Variants in TBL1XR1 observed in about 807,000 individuals in gnomAD.
The protein encoded by TBL1XR1 is F-box-like/WD repeat-containing protein TBL1XR1.
A neutral mutation model predicts 66.9 loss-of-function variants in TBL1XR1; 5 were observed. That is an observed-to-expected ratio of 0.07 (90% confidence interval 0.04 to 0.16). The LOEUF is 0.16. Ranked by LOEUF, TBL1XR1 falls within the 10% of genes least tolerant of loss-of-function variation. The probability of loss-of-function intolerance (pLI) is 1.00; values close to 1 mark genes in which losing one functional copy is unlikely to be tolerated. For synonymous variants in TBL1XR1, 210 were observed against 206.0 expected (o/e 1.02, Z -0.17); for missense variants, 238 against 623.2 (o/e 0.38, Z 6.58).
intron 1 of TBL1XR1, among the ~76,000 whole-genome samples, chr3:177,176,830 A>G (rs1322629153): frequency 6.6e-6 from 1 of 152,048 alleles, no homozygotes; most frequent in African/African-American, 2.4e-5. Context: ...AAATTTAAAA[A>G]TTAGCTGGCT....
Position 177,025,059 on chromosome 3 carries a change from G to GT in TBL1XR1, c.*438dup, listed in dbSNP as rs1712914183. The GT allele has an allele frequency of 6.1e-6, 1 of 162,898 alleles. No homozygotes were observed. Among genetic ancestry groups the GT allele is most frequent in the East Asian group, 1.7e-4 (1 of 5,790 alleles). The allele number at this position is 162,898 out of a possible 1,614,324, so 10.1% of individuals were successfully genotyped here. A position where few individuals can be genotyped will look rare whatever the true frequency, so the allele number is the denominator to read the frequency against. ...GAACAAACTACTGCTGCAAGTTTTT[G>GT]TAAGTCCATTTTCTCTGTACATACA... On this transcript the variant is annotated 3_prime_UTR_variant, in exon 16 of 16. Transcript: ENST00000457928.
At position 177,191,577 on chromosome 3, in the gene TBL1XR1, G is replaced by A. The variant is rs2109009118; in HGVS notation, c.-122+5544C>T. On this transcript the variant is annotated intron_variant, in intron 1 of 15. Transcript: ENST00000457928. ...TTGACTATTAGCAAAGTGAACACTA[G>A]TGCTAAATTAAGTATGGTTAAAAAT... Among the ~76,000 whole-genome samples the A allele has an allele frequency of 2.6e-5, 4 of 152,238 alleles. No homozygotes were observed. In the South Asian group the frequency reaches 8.3e-4, roughly 32 times the overall value.
intron 1 of TBL1XR1, among the ~76,000 whole-genome samples, chr3:177,104,640 G>C (rs903306475): frequency 6.6e-6 from 1 of 152,110 alleles, no homozygotes; most frequent in African/African-American, 2.4e-5. Flanking sequence ...TTACTTAAGC[G>C]ATTAGGGGAA....
chr3:177,178,542 T>C (rs1734427909), intron 1 of TBL1XR1, among the ~76,000 whole-genome samples: 1 of 152,152 alleles, frequency 6.6e-6, no homozygotes, highest in African/African-American at 2.4e-5. Context: ...TAATATTAAG[T>C]TCCTAATAAA....
intron 1 of TBL1XR1, among the ~76,000 whole-genome samples, chr3:177,107,639 T>C (rs1725039456): frequency 2.6e-5 from 4 of 152,196 alleles, no homozygotes; most frequent in African/African-American, 9.6e-5. Flanking sequence ...AGCTGTGTTA[T>C]CTGCCTGACC....
intron 2 of TBL1XR1, among the ~76,000 whole-genome samples, chr3:177,086,058 T>C (rs1560158214): frequency 1.3e-5 from 2 of 151,714 alleles, no homozygotes; most frequent in African/African-American, 4.9e-5. Flanking sequence ...AGTCCCAATA[T>C]CTAATTTTAG....
At chr3:177,185,642 T>G (rs772263963) in intron 1 of TBL1XR1, among the ~76,000 whole-genome samples, 3 of 151,804 alleles carry the variant, frequency 2.0e-5, no homozygotes, top group Non-Finnish European at 4.4e-5. Flanking sequence ...ACCCTTTGTC[T>G]TTTCATTTAA....
At chr3:177,194,530 T>G (rs1430905212) in intron 1 of TBL1XR1, among the ~76,000 whole-genome samples, 1 of 152,208 alleles carries the variant, frequency 6.6e-6, no homozygotes, top group Non-Finnish European at 1.5e-5. Flanking sequence ...AAGTCAGGAA[T>G]TCTTTATAAT....
chr3:177,076,427 G>A (rs564902366), intron 2 of TBL1XR1, among the ~76,000 whole-genome samples: 15 of 152,202 alleles, frequency 9.9e-5, no homozygotes, highest in South Asian at 2.1e-4. Context: ...AAGGTATTAC[G>A]ATCTACCTAA....
At chr3:177,146,845 C>G (rs1422181241) in intron 1 of TBL1XR1, among the ~76,000 whole-genome samples, 1 of 151,966 alleles carries the variant, frequency 6.6e-6, no homozygotes, top group African/African-American at 2.4e-5. Flanking sequence ...CTGTTTCAAG[C>G]GAAAATTAAA....
chr3:177,167,817 G>T (rs1010334629), intron 1 of TBL1XR1, among the ~76,000 whole-genome samples: 7 of 152,072 alleles, frequency 4.6e-5, no homozygotes, highest in Non-Finnish European at 7.4e-5. Context: ...TGTAATCCCA[G>T]CTAGCTACTC....
chr3:177,069,808 GGAAGGAA>G (rs1719709592), intron 2 of TBL1XR1, among the ~76,000 whole-genome samples: 7 of 123,060 alleles, frequency 5.7e-5, no homozygotes, highest in Non-Finnish European at 1.1e-4. Context: ...AAGGAAGGAA[GGAAGGAA>G]GGAAGGAAGG....
chr3:177,068,530 G>A (rs1719456794), intron 2 of TBL1XR1, among the ~76,000 whole-genome samples: 1 of 152,156 alleles, frequency 6.6e-6, no homozygotes, highest in Non-Finnish European at 1.5e-5. Context: ...GGACTAGTGA[G>A]GCAATCCAGC....
At chr3:177,131,896 A>G (rs2108788561) in intron 1 of TBL1XR1, among the ~76,000 whole-genome samples, 1 of 118,830 alleles carries the variant, frequency 8.4e-6, no homozygotes, top group South Asian at 2.7e-4. Flanking sequence ...TTTACATTCT[A>G]GTGGAAGTTT....
intron 2 of TBL1XR1, among the ~76,000 whole-genome samples, chr3:177,069,807 A>AG (rs1433883292): frequency 4.0e-5 from 5 of 126,472 alleles, no homozygotes; most frequent in Middle Eastern, 3.6e-3. Flanking sequence ...GAAGGAAGGA[A>AG]GGAAGGAAGG....
rs756833949 is a variant in TBL1XR1, at chr3:177,096,331, T to TACACACACACACACACACACACACAC, written c.-46+2134_-46+2135insGTGTGTGTGTGTGTGTGTGTGTGTGT. Among the ~76,000 whole-genome samples the TACACACACACACACACACACACACAC allele has an allele frequency of 7.9e-5, 8 of 100,760 alleles. No homozygotes were observed. In the East Asian group the frequency reaches 9.9e-4, roughly 12 times the overall value. 66.1% of individuals were successfully genotyped at this position (100,760 alleles called of 152,430 possible). ...CATCTCTAACACACACTAACATACA[T>TACACACACACACACACACACACACAC]ACATACACACACACACACACACTTA... On this transcript the variant is annotated intron_variant, in intron 2 of 15. Coordinates refer to ENST00000457928, the MANE Select transcript of TBL1XR1 (RefSeq NM_024665.7).
At chr3:177,086,159 A>G (rs1239696301) in intron 2 of TBL1XR1, among the ~76,000 whole-genome samples, 1 of 151,356 alleles carries the variant, frequency 6.6e-6, no homozygotes, top group Non-Finnish European at 1.5e-5. Flanking sequence ...AGCCACATGA[A>G]AAAGTTAAAA....
intron 2 of TBL1XR1, among the ~76,000 whole-genome samples, chr3:177,074,766 A>G (rs1291668785): frequency 6.6e-6 from 1 of 152,234 alleles, no homozygotes; most frequent in Non-Finnish European, 1.5e-5. Context: ...TTAATGAATA[A>G]TATCTTAATG....
chr3:177,051,470 A>T lies in TBL1XR1; in HGVS notation c.427+34T>A, dbSNP rs541229965. ...GTTTAAAAAAATAAATAAATAAACC[A>T]TGTAATTAAAAAAAAATTCTTGTCT... is the stretch of plus-strand genomic sequence containing the variant. On this transcript the variant is annotated intron_variant, in intron 5 of 15. Transcript: ENST00000457928. The T allele has an allele frequency of 3.9e-5, 61 of 1,548,158 alleles. No individual in the cohort carries two copies. In the Middle Eastern group the frequency reaches 7.1e-4, roughly 18 times the overall value.
Sources: gnomAD v4.1 joint callset for allele counts (sites outside exome capture counted in the v4.1 genomes callset) on GRCh38, gnomAD v4.1.1 for gene constraint, MANE v1.5 for transcripts, NCBI Gene and HGNC (gene_info 2026-07-23, HGNC 2026-07-21) for gene names.